The following FAM184A variants were observed in gnomAD, a reference collection of about 807,000 sequenced individuals.
FAM184A encodes the protein family with sequence similarity 184 member A, also known as protein FAM184A.
FAM184A carries 99 observed loss-of-function variants against 143.8 expected under a neutral mutation model. The ratio of observed to expected loss-of-function variants is 0.69; its 90% CI spans 0.58 to 0.81. The LOEUF is 0.81. Ranked by LOEUF, FAM184A falls within the 40% of genes least tolerant of loss-of-function variation. The pLI is 0.00. For synonymous variants in FAM184A, 427 were observed against 446.4 expected (o/e 0.96, Z 0.55); for missense variants, 1,217 against 1,310.5 (o/e 0.93, Z 1.10).
chr6:119,037,770 C>T (rs1379513366), intron 1 of FAM184A, among the ~76,000 whole-genome samples: 1 of 152,118 alleles, frequency 6.6e-6, no homozygotes, highest in Non-Finnish European at 1.5e-5. Flanking sequence ...TAAGTTTCAA[C>T]CTTCAAAATT....
intron 1 of FAM184A, among the ~76,000 whole-genome samples, chr6:119,031,108 A>G (rs1785853133): frequency 6.6e-6 from 1 of 152,138 alleles, no homozygotes; most frequent in Non-Finnish European, 1.5e-5. Context: ...ATGATAAATC[A>G]GATAATCTTT....
chr6:119,061,531 C>CTTTTTTTT lies in FAM184A; in HGVS notation c.159+16602_159+16609dup, dbSNP rs977029986. Among the ~76,000 whole-genome samples the CTTTTTTTT allele has an allele frequency of 2.1e-3, 124 of 58,574 alleles. 5 individuals carry two copies. Among genetic ancestry groups the CTTTTTTTT allele is most frequent in the African/African-American group, 2.6e-3 (36 of 13,608 alleles). 38.4% of individuals were successfully genotyped at this position (58,574 alleles called of 152,430 possible). ...CTACCATGCCTGGCTAATTATTTTT[C>CTTTTTTTT]TTTTTTTTTTTTTTTTTTTTTTTTT... On this transcript the variant is annotated intron_variant, in intron 1 of 17. Transcript: ENST00000338891.
intron 1 of FAM184A, among the ~76,000 whole-genome samples, chr6:119,034,041 T>TATATATATAG (rs1409214932): frequency 1.4e-4 from 6 of 42,006 alleles, no homozygotes; most frequent in African/African-American, 5.3e-4. Context: ...TATATATATA[T>TATATATATAG]AGAGAGAGAG....
intron 15 of FAM184A, among the ~76,000 whole-genome samples, chr6:118,966,444 C>A (rs794602): frequency 0.84 from 128,354 of 152,060 alleles, 54,181 homozygotes; most frequent in East Asian, 0.93. Context: ...ATATGCTCAA[C>A]CTGTTAGTGT....
intron 9 of FAM184A, among the ~76,000 whole-genome samples, chr6:118,989,348 C>A (rs1161173721): frequency 1.3e-5 from 2 of 152,056 alleles, no homozygotes; most frequent in Non-Finnish European, 2.9e-5. Context: ...AATATAATTT[C>A]ATTTTCAATC....
intron 6 of FAM184A, chr6:119,009,718 C>T (rs1207036254): frequency 2.0e-5 from 3 of 152,178 alleles, no homozygotes; most frequent in African/African-American, 7.2e-5. Flanking sequence ...TTACTTACCA[C>T]CCTTTGTAAT....
chr6:119,124,542 A>T (rs1789306744), intron 1 of FAM184A, among the ~76,000 whole-genome samples: 2 of 152,094 alleles, frequency 1.3e-5, no homozygotes, highest in Non-Finnish European at 2.9e-5. Flanking sequence ...GCCTTCTCAT[A>T]CTCTATTAAA....
chr6:119,017,073 T>C (rs1582509328), intron 4 of FAM184A, 129 bp from the exon 5 acceptor site: 1 of 638,186 alleles, frequency 1.6e-6, no homozygotes. Context: ...CTATGAAACA[T>C]GACAACAAAT....
chr6:119,042,056 C>T (rs950314496), intron 1 of FAM184A, among the ~76,000 whole-genome samples: 8 of 152,062 alleles, frequency 5.3e-5, no homozygotes, highest in Non-Finnish European at 1.2e-4. Flanking sequence ...CCAAGGGTAC[C>T]CGTTAAGACT....
intron 1 of FAM184A, among the ~76,000 whole-genome samples, chr6:119,040,087 C>T (rs910429321): frequency 1.3e-5 from 2 of 152,202 alleles, no homozygotes; most frequent in Non-Finnish European, 2.9e-5. Context: ...TCTTCATATG[C>T]CTGCGTGGGT....
chr6:119,131,917 G>A (rs188233740), intron 1 of FAM184A, among the ~76,000 whole-genome samples: 1 of 152,318 alleles, frequency 6.6e-6, no homozygotes, highest in Admixed American at 6.5e-5. Context: ...TAGGGATAAA[G>A]CTATTCTTTA....
In FAM184A at chr6:119,068,942, T is replaced by C. The variant is rs144583698; in HGVS notation, c.159+9199A>G. 2.7e-3 allele frequency: 642 copies of C among 241,348 alleles called. 6 individuals carry two copies. The East Asian group carries it at 0.031, about 12-fold the overall frequency. The allele number at this position is 241,348 out of a possible 1,614,324, so 15.0% of individuals were successfully genotyped here. A position where few individuals can be genotyped will look rare whatever the true frequency, so the allele number is the denominator to read the frequency against. ...AGAAAAATTTGCCCATGATTACACA[T>C]CTAAAATTTGTCAGAATTAATGTAC... On this transcript the variant is annotated intron_variant, in intron 1 of 17. Coordinates refer to ENST00000338891, the MANE Select transcript of FAM184A (RefSeq NM_024581.6).
At chr6:119,083,685 T>C (rs1788137128) in intron 1 of FAM184A, among the ~76,000 whole-genome samples, 1 of 152,152 alleles carries the variant, frequency 6.6e-6, no homozygotes, top group Admixed American at 6.5e-5. Context: ...TTCCTCATCT[T>C]CATCTGAAAC....
chr6:119,147,023 T>C (rs1772461634), intron 1 of FAM184A, among the ~76,000 whole-genome samples: 1 of 151,546 alleles, frequency 6.6e-6, no homozygotes, highest in Admixed American at 6.6e-5. Context: ...AAACCCTAGT[T>C]AGAGGCACTA....
Position 119,113,623 on chromosome 6 carries a change from GAGAGAGAGAGAA to G in FAM184A, c.-202+35443_-202+35454del, listed in dbSNP as rs372375862. ...AGTACAGTACAATAAGATATTGAGAGAGAGAGAGAGAAAGAGAGAGAGAGAGAGACCACATTC... is the reference window on the plus strand; with the variant it reads ...AGTACAGTACAATAAGATATTGAGAGAGAGAGAGAGAGAGAGACCACATTC... On this transcript the variant is annotated intron_variant, in intron 1 of 16. Transcript: ENST00000352896. 1.4e-3 allele frequency among the ~76,000 whole-genome samples: 200 copies of G among 145,260 alleles called. 1 individual carries two copies. The highest frequency in any genetic ancestry group is 4.8e-3 in the African/African-American group (193 of 40,002).
rs1479056451 is a variant in FAM184A at position 119,078,102 on chromosome 6, G to T, written c.159+39C>A. The T allele has an allele frequency of 6.5e-7, 1 of 1,548,994 alleles. No individual in the cohort carries two copies. Among genetic ancestry groups the T allele is most frequent in the Non-Finnish European group, 8.7e-7 (1 of 1,151,868 alleles). ...GAGACAGGTGAGTCCGGCGCGGCCCGCACGGGGTCGCCACCTGCCCCGTCG... is the reference window on the plus strand; with the variant it reads ...GAGACAGGTGAGTCCGGCGCGGCCCTCACGGGGTCGCCACCTGCCCCGTCG... On this transcript the variant is annotated intron_variant, in intron 1 of 17. Transcript: ENST00000338891. The surrounding 1 kb of genome is among the most constrained non-coding windows in gnomAD (Gnocchi z 5.5).
intron 1 of FAM184A, among the ~76,000 whole-genome samples, chr6:119,058,911 A>C (rs1787111828): frequency 6.6e-6 from 1 of 151,446 alleles, no homozygotes; most frequent in African/African-American, 2.4e-5. Context: ...CTGAATTCCT[A>C]CCTCAATAAT....
chr6:119,025,997 A>G (rs1336799466), intron 1 of FAM184A, among the ~76,000 whole-genome samples: 1 of 152,186 alleles, frequency 6.6e-6, no homozygotes, highest in East Asian at 1.9e-4. Flanking sequence ...CTCGCTAAAG[A>G]TAGGCTGTCA....
intron 1 of FAM184A, among the ~76,000 whole-genome samples, chr6:119,121,586 A>G (rs866774710): frequency 9.9e-5 from 15 of 152,252 alleles, no homozygotes; most frequent in African/African-American, 3.6e-4. Flanking sequence ...TTGAAGTGGC[A>G]TCTTTTCTTA....
Sources: allele counts gnomAD v4.1 joint callset (sites outside exome capture counted in the v4.1 genomes callset), GRCh38; gene constraint gnomAD v4.1.1; non-coding constraint Gnocchi (gnomAD v3.1); transcripts MANE v1.5; gene names NCBI Gene and HGNC (gene_info 2026-07-23, HGNC 2026-07-21).